Variants in ARHGAP31 observed in about 807,000 individuals in gnomAD.
ARHGAP31 encodes the protein rho GTPase-activating protein 31.
A neutral mutation model predicts 113.9 loss-of-function variants in ARHGAP31; 34 were observed. The observed-to-expected ratio is 0.30, with a 90% confidence interval of 0.23 to 0.40. The LOEUF (loss-of-function observed/expected upper bound fraction) is 0.40, where lower values mean the gene tolerates loss of function less well. Ranked by LOEUF, ARHGAP31 falls within the 10% of genes least tolerant of loss-of-function variation. The pLI is 1.00. For missense variants in ARHGAP31, 1,548 were observed against 1,767.1 expected (o/e 0.88, Z 2.22); for synonymous variants, 650 against 684.8 (o/e 0.95, Z 0.79).
chr3:119,321,981 G>C (rs1333747808), intron 1 of ARHGAP31, among the ~76,000 whole-genome samples: 1 of 152,184 alleles, frequency 6.6e-6, no homozygotes, highest in Non-Finnish European at 1.5e-5. Context: ...AAATATGCCA[G>C]TTTATTCCCT....
At chr3:119,406,975 T>C (rs11922594) in intron 10 of ARHGAP31, among the ~76,000 whole-genome samples, 91,529 of 151,934 alleles carry the variant, frequency 0.6, 27,962 homozygotes, top group African/African-American at 0.7. Flanking sequence ...CTGGGACCAC[T>C]TTCTAAATAA....
chr3:119,353,469 G>A (rs1345075493), intron 1 of ARHGAP31, among the ~76,000 whole-genome samples: 1 of 152,166 alleles, frequency 6.6e-6, no homozygotes, highest in Non-Finnish European at 1.5e-5. Flanking sequence ...TCCCTCATAA[G>A]GTGACTGTGA....
At chr3:119,377,946 C>T (rs1054049433) in intron 3 of ARHGAP31, among the ~76,000 whole-genome samples, 17 of 152,226 alleles carry the variant, frequency 1.1e-4, no homozygotes, top group African/African-American at 3.9e-4. Flanking sequence ...CAGGGCTGCC[C>T]GGGCAGCAGG....
chr3:119,312,610 A>G (rs555934953), intron 1 of ARHGAP31, among the ~76,000 whole-genome samples: 5 of 152,266 alleles, frequency 3.3e-5, no homozygotes, highest in Non-Finnish European at 5.9e-5. Flanking sequence ...TAAAATAACA[A>G]AAGCAATTGT....
intron 3 of ARHGAP31, 38 bp downstream of exon 3, chr3:119,368,554 A>G: frequency 6.2e-7 from 1 of 1,612,448 alleles, no homozygotes; most frequent in Non-Finnish European, 8.5e-7. Flanking sequence ...ACTGGGTGGG[A>G]TGCATGGATG....
chr3:119,308,042 A>G (rs6762580), intron 1 of ARHGAP31, among the ~76,000 whole-genome samples: 55,571 of 150,438 alleles, frequency 0.37, 10,484 homozygotes, highest in Non-Finnish European at 0.41. Context: ...GGAGTCACGC[A>G]CGCAGCGTTG....
intron 10 of ARHGAP31, among the ~76,000 whole-genome samples, chr3:119,403,587 A>G (rs552538937): frequency 1.3e-5 from 2 of 152,210 alleles, no homozygotes; most frequent in Admixed American, 1.3e-4. Context: ...GGATTTTTGG[A>G]ATTAGGGAGG....
At chr3:119,325,189 T>C (rs2079830444) in intron 1 of ARHGAP31, among the ~76,000 whole-genome samples, 2 of 152,234 alleles carry the variant, frequency 1.3e-5, no homozygotes, top group South Asian at 4.1e-4. Context: ...TACACATGCA[T>C]ATTCATCTTT....
At chr3:119,389,344 G>C (rs559137748) in intron 6 of ARHGAP31, among the ~76,000 whole-genome samples, 1 of 152,256 alleles carries the variant, frequency 6.6e-6, no homozygotes, top group African/African-American at 2.4e-5. Context: ...CCCAGAGTGA[G>C]TTAATGTATG....
chr3:119,378,101 T>C (rs1269747557), intron 3 of ARHGAP31, among the ~76,000 whole-genome samples: 2 of 152,072 alleles, frequency 1.3e-5, no homozygotes, highest in Non-Finnish European at 2.9e-5. Flanking sequence ...AAAGAACAAA[T>C]AGTCACAGAT....
rs554347505 is a variant in ARHGAP31 at position 119,385,595 on chromosome 3, C to A, written c.682+2369C>A. On this transcript the variant is annotated intron_variant, in intron 6 of 11. Transcript: ENST00000264245. ...ACATTTATTCATTCACCCTTTTGAGCCCACAAAAAATTTATTGGGGATTTA... is the reference window on the plus strand; with the variant it reads ...ACATTTATTCATTCACCCTTTTGAGACCACAAAAAATTTATTGGGGATTTA... Among the ~76,000 whole-genome samples, 3 of 152,132 alleles carry A rather than the reference C, an allele frequency of 2.0e-5. No individual in the cohort carries two copies. In the South Asian group the frequency reaches 6.2e-4, roughly 32 times the overall value.
chr3:119,363,031 C>T (rs2107621664), intron 1 of ARHGAP31, among the ~76,000 whole-genome samples: 1 of 152,246 alleles, frequency 6.6e-6, no homozygotes, highest in South Asian at 2.1e-4. Context: ...TCACTATTGT[C>T]CTTTTACACA....
At chr3:119,383,988 G>A (rs2080425924) in intron 6 of ARHGAP31, among the ~76,000 whole-genome samples, 1 of 152,170 alleles carries the variant, frequency 6.6e-6, no homozygotes, top group African/African-American at 2.4e-5. Flanking sequence ...TAATATGTTT[G>A]GAGTGTGGCT....
intron 10 of ARHGAP31, 133 bp downstream of exon 10, chr3:119,402,530 C>T (rs2080621598): frequency 4.3e-6 from 4 of 938,918 alleles, no homozygotes; most frequent in East Asian, 5.3e-5. Context: ...TACAAATCCA[C>T]GCTCTGCCAT....
Position 119,402,271 on chromosome 3 carries a change from A to G in ARHGAP31, c.1519A>G (p.Thr507Ala). 6.2e-7 allele frequency: 1 copy of G among 1,614,222 alleles called. No homozygotes were observed. The highest frequency in any genetic ancestry group is 8.5e-7 in the Non-Finnish European group (1 of 1,180,050). The change falls in exon 10 of 12, where the codon ACG becomes GCG. Residue 507 changes from threonine (T) to alanine (A), a missense_variant. Physicochemically the swap from Thr to Ala is moderately conservative, Grantham distance 58. Coordinates refer to ENST00000264245, the MANE Select transcript of ARHGAP31 (RefSeq NM_020754.4). The part of the protein sequence containing the change: ...RVSAVISTNS[T>A]PCRTPPKELQ... ...GTCCGCAGTCATCAGCACCAACAGC[A>G]CGCCGTGCAGAACACCCCCGAAGGA...
Position 119,393,544 on chromosome 3 carries a change from A to C in ARHGAP31, c.959A>C (p.Lys320Thr), listed in dbSNP as rs2080522734. 1.2e-6 allele frequency: 2 copies of C among 1,614,036 alleles called. No individual in the cohort carries two copies. Among genetic ancestry groups the C allele is most frequent in the African/African-American group, 2.7e-5 (2 of 74,932 alleles). The stretch of plus-strand genomic sequence containing the variant: ...CGTTCTGGATCAGACTCCAAATCAA[A>C]ACTGAGTAGAAATGGGAGTGTATTT... ...LGRSGSDSKS[K>T]LSRNGSVFVR... Residue 320 changes from lysine (K) to threonine (T), a missense_variant, in exon 8 of 12, where the codon AAA (lysine) becomes ACA (threonine). Transcript: ENST00000264245.
intron 1 of ARHGAP31, among the ~76,000 whole-genome samples, chr3:119,343,485 G>C (rs757313244): frequency 1.7e-4 from 26 of 152,332 alleles, no homozygotes; most frequent in East Asian, 1.9e-4. Context: ...AGCCAGGGGA[G>C]GTGGTACTCT....
rs201519981 is a variant in ARHGAP31, at chr3:119,382,312, G to A, written c.452G>A (p.Arg151Gln). The A allele has an allele frequency of 1.6e-4, 253 of 1,613,988 alleles. No individual in the cohort carries two copies. The African/African-American group carries it at 2.9e-3, about 18-fold the overall frequency. Residue 151 changes from arginine (R) to glutamine (Q), a missense_variant, in exon 5 of 12, where the codon CGA (arginine) becomes CAA (glutamine). Physicochemically the swap from Arg to Gln is conservative, Grantham distance 43. Transcript: ENST00000264245. Reference sequence around the variant, plus strand: ...TCTAGGACCTTGGAATACCTGATTCGACACCTGGCCCATATCGCCTCCTTC... The same window carrying A: ...TCTAGGACCTTGGAATACCTGATTCAACACCTGGCCCATATCGCCTCCTTC... Reference protein sequence around the residue: ...SHYRTLEYLIRHLAHIASFSS... With the variant: ...SHYRTLEYLIQHLAHIASFSS...
intron 8 of ARHGAP31, 51 bp downstream of exon 8, chr3:119,393,642 C>G: frequency 6.2e-7 from 1 of 1,607,646 alleles, no homozygotes; most frequent in Non-Finnish European, 8.5e-7. Context: ...TTTCCTAACT[C>G]TGCTTATTAA....
Sources: allele counts gnomAD v4.1 joint callset (sites outside exome capture counted in the v4.1 genomes callset), GRCh38; gene constraint gnomAD v4.1.1; transcripts MANE v1.5; gene names NCBI Gene and HGNC (gene_info 2026-07-23, HGNC 2026-07-21).